The following DNAAF11 variants were observed in gnomAD, a reference collection of about 807,000 sequenced individuals.
The protein encoded by DNAAF11 is leucine rich repeat containing 6.
DNAAF11 carries 45 observed loss-of-function variants against 60.8 expected under a neutral mutation model. That is an observed-to-expected ratio of 0.74 (90% confidence interval 0.58 to 0.95). The LOEUF is 0.95. Ranked by LOEUF, DNAAF11 falls within the 40% of genes least tolerant of loss-of-function variation. The pLI is 0.00. For synonymous variants in DNAAF11, 191 were observed against 183.5 expected, an observed-to-expected ratio of 1.04 and a Z score of -0.33; for missense variants, 546 against 546.2, an observed-to-expected ratio of 1.00 and a Z score of 0.00.
Position 132,647,121 on chromosome 8 carries a change from GA to G in DNAAF11, c.257-9015del, listed in dbSNP as rs548778923. 2.1e-3 allele frequency among the ~76,000 whole-genome samples: 326 copies of G among 152,172 alleles called. 1 individual carries two copies. The highest frequency in any genetic ancestry group is 0.012 in the South Asian group (56 of 4,820). On this transcript the variant is annotated intron_variant, in intron 3 of 11. Transcript: ENST00000620350. The stretch of plus-strand genomic sequence containing the variant: ...AAAGCACTCCTCAGCAAATGTAAAA[GA>G]ACAGAAATTATAACAAACTGTCTCT...
At chr8:132,603,124 C>T (rs1817794359) in intron 10 of DNAAF11, among the ~76,000 whole-genome samples, 1 of 152,086 alleles carries the variant, frequency 6.6e-6, no homozygotes, top group South Asian at 2.1e-4. Flanking sequence ...AGGACAGTGG[C>T]TATTCACTAT....
the DNAAF11 span, among the ~76,000 whole-genome samples, chr8:132,689,662 T>C: frequency 6.6e-6 from 1 of 152,076 alleles, no homozygotes; most frequent in Non-Finnish European, 1.5e-5. Context: ...AAATAGTGAT[T>C]TGACTCATAT....
intron 10 of DNAAF11, among the ~76,000 whole-genome samples, chr8:132,596,768 TA>T (rs1479712567): frequency 6.6e-6 from 1 of 152,140 alleles, no homozygotes; most frequent in African/African-American, 2.4e-5. Flanking sequence ...AACACTGGAA[TA>T]AAACAAAGAG....
the DNAAF11 span, among the ~76,000 whole-genome samples, chr8:132,701,416 C>T: frequency 1.3e-5 from 2 of 152,114 alleles, no homozygotes; most frequent in African/African-American, 4.8e-5. Context: ...GGACTTAGAC[C>T]AGTGTGCTGA....
intron 5 of DNAAF11, among the ~76,000 whole-genome samples, chr8:132,631,767 A>G (rs1053135515): frequency 6.6e-6 from 1 of 152,168 alleles, no homozygotes; most frequent in Non-Finnish European, 1.5e-5. Context: ...TTGCAAGGAC[A>G]AAAAACCAAA....
At chr8:132,596,178 G>A (rs1423438479) in intron 10 of DNAAF11, among the ~76,000 whole-genome samples, 3 of 152,154 alleles carry the variant, frequency 2.0e-5, no homozygotes, top group Non-Finnish European at 2.9e-5. Flanking sequence ...CATGTGGCCC[G>A]TCAATTGGCA....
In DNAAF11 at chr8:132,570,971, C is replaced by T. The variant is rs1814125780; in HGVS notation, c.*1335G>A. Among the ~76,000 whole-genome samples, 1 of 152,198 alleles carries T rather than the reference C, an allele frequency of 6.6e-6. No individual in the cohort carries two copies. The highest frequency in any genetic ancestry group is 2.4e-5 in the African/African-American group (1 of 41,454). On this transcript the variant is annotated 3_prime_UTR_variant, in exon 12 of 12. Coordinates refer to ENST00000620350, the MANE Select transcript of DNAAF11 (RefSeq NM_012472.6). ...CTACCTGTACCAGTGCTTCTTCTTC[C>T]AATTCTCTACCTCTCCCTTCTAGAG...
At chr8:132,698,200 G>C in the DNAAF11 span, among the ~76,000 whole-genome samples, 123 of 152,228 alleles carry the variant, frequency 8.1e-4, 2 homozygotes, top group African/African-American at 2.9e-3. Flanking sequence ...CATGAGACTA[G>C]AGTAAGTATG....
At chr8:132,610,122 C>A in intron 10 of DNAAF11, 44 bp downstream of exon 10, 4 of 1,390,224 alleles carry the variant, frequency 2.9e-6, no homozygotes, top group East Asian at 2.3e-5. Context: ...CCTTCAGGAA[C>A]CCTCATATCC....
intron 3 of DNAAF11, among the ~76,000 whole-genome samples, chr8:132,643,922 T>C (rs572327291): frequency 7.2e-5 from 11 of 152,274 alleles, no homozygotes; most frequent in African/African-American, 2.6e-4. Flanking sequence ...ATAAATTGTG[T>C]AACAGATAAA....
At chr8:132,654,199 AATAAC>A in intron 3 of DNAAF11, among the ~76,000 whole-genome samples, 1 of 152,240 alleles carries the variant, frequency 6.6e-6, no homozygotes, top group East Asian at 1.9e-4. Context: ...TTATAATAAT[AATAAC>A]ATAAATTCAT....
intron 3 of DNAAF11, among the ~76,000 whole-genome samples, chr8:132,645,062 C>T (rs1449408651): frequency 6.6e-6 from 1 of 152,168 alleles, no homozygotes; most frequent in Admixed American, 6.5e-5. Context: ...CCCTGGGGAG[C>T]CCAACTGGGA....
At chr8:132,580,314 T>G (rs569835157) in intron 11 of DNAAF11, among the ~76,000 whole-genome samples, 136 of 152,212 alleles carry the variant, frequency 8.9e-4, no homozygotes, top group African/African-American at 3.1e-3. Flanking sequence ...GAGATAAGGA[T>G]CAATCGGAAA....
chr8:132,690,700 G>A, the DNAAF11 span, among the ~76,000 whole-genome samples: 2 of 152,076 alleles, frequency 1.3e-5, no homozygotes, highest in Admixed American at 6.6e-5. Flanking sequence ...CATCTCCTTA[G>A]GCTCCTCTTC....
upstream of DNAAF11, among the ~76,000 whole-genome samples, chr8:132,680,511 AT>A (rs1378887615): frequency 2.0e-5 from 3 of 151,986 alleles, no homozygotes; most frequent in East Asian, 1.9e-4. Context: ...ATAATTTCTT[AT>A]TTTTTTATGA....
At chr8:132,634,347 T>C (rs937082425) in intron 4 of DNAAF11, among the ~76,000 whole-genome samples, 3 of 152,192 alleles carry the variant, frequency 2.0e-5, no homozygotes, top group African/African-American at 7.2e-5. Context: ...GCACAGAGTT[T>C]CATAATGGAG....
chr8:132,688,227 C>A, the DNAAF11 span, among the ~76,000 whole-genome samples: 1 of 152,194 alleles, frequency 6.6e-6, no homozygotes, highest in Non-Finnish European at 1.5e-5. Flanking sequence ...ATTCAAACCA[C>A]AGCAATTTCT....
chr8:132,701,672 T>C, the DNAAF11 span, among the ~76,000 whole-genome samples: 1 of 152,258 alleles, frequency 6.6e-6, no homozygotes, highest in Non-Finnish European at 1.5e-5. Context: ...TCCCTTTGGA[T>C]AAAGTGTCTT....
chr8:132,632,677 A>C, intron 5 of DNAAF11, 63 bp downstream of exon 5: 3 of 1,124,884 alleles, frequency 2.7e-6, no homozygotes, highest in Non-Finnish European at 4.0e-6. Flanking sequence ...CAACTTGGAA[A>C]GAGAATACAG....
Sources: gnomAD v4.1 joint callset for allele counts (sites outside exome capture counted in the v4.1 genomes callset) on GRCh38, gnomAD v4.1.1 for gene constraint, MANE v1.5 for transcripts, NCBI Gene and HGNC (gene_info 2026-07-23, HGNC 2026-07-21) for gene names.